Variants in KCNT2 observed in about 807,000 individuals in gnomAD.
KCNT2 encodes potassium sodium-activated channel subfamily T member 2, also known as potassium channel subfamily T member 2.
A neutral mutation model predicts 153.8 loss-of-function variants in KCNT2; 67 were observed. The observed-to-expected ratio is 0.44, with a 90% CI of 0.36 to 0.53. The LOEUF (loss-of-function observed/expected upper bound fraction) is 0.53. Among genes scored for constraint, KCNT2 ranks in the 20% least tolerant of loss-of-function variants. The pLI, the probability that KCNT2 is intolerant of heterozygous loss-of-function variation, is 0.00. For synonymous variants in KCNT2, 500 were observed against 458.8 expected (o/e 1.09, Z -1.15); for missense variants, 975 against 1,354.8 (o/e 0.72, Z 4.40).
At chr1:196,263,954 G>T (rs577684859) in intron 25 of KCNT2, among the ~76,000 whole-genome samples, 1 of 151,930 alleles carries the variant, frequency 6.6e-6, no homozygotes, top group Non-Finnish European at 1.5e-5. Context: ...GTATATGTGT[G>T]TGTGTGTTTA....
At chr1:196,268,600 A>C (rs1657764077) in intron 25 of KCNT2, among the ~76,000 whole-genome samples, 1 of 152,136 alleles carries the variant, frequency 6.6e-6, no homozygotes, top group Non-Finnish European at 1.5e-5. Flanking sequence ...GACTGCTGAC[A>C]GCTTTCAAGA....
At chr1:196,349,823 C>G (rs966198429) in intron 14 of KCNT2, among the ~76,000 whole-genome samples, 2 of 151,862 alleles carry the variant, frequency 1.3e-5, no homozygotes, top group African/African-American at 4.8e-5. Flanking sequence ...CGTCATTTAG[C>G]ATTAGGTATA....
intron 22 of KCNT2, among the ~76,000 whole-genome samples, chr1:196,303,725 A>C (rs966928549): frequency 5.9e-5 from 9 of 152,120 alleles, no homozygotes; most frequent in Admixed American, 5.9e-4. Flanking sequence ...TAAGAATCCC[A>C]AGGCTACGAA....
chr1:196,460,852 C>T (rs1677083635), intron 8 of KCNT2, among the ~76,000 whole-genome samples: 1 of 151,544 alleles, frequency 6.6e-6, no homozygotes, highest in East Asian at 1.9e-4. Context: ...TTTATTTCCT[C>T]CTTTTACATT....
intron 1 of KCNT2, among the ~76,000 whole-genome samples, chr1:196,596,054 GTGTATATATATATATATATATATATATA>G (rs770267668): frequency 0.066 from 9,068 of 138,214 alleles, 496 homozygotes; most frequent in Non-Finnish European, 0.086. Context: ...ATTCCATGAT[GTGTATATATATATATATATATATATATA>G]TATATATATA....
rs1283647887 is a variant in KCNT2, at chr1:196,429,613, A to G, written c.783T>C (p.Ala261=). The G allele has an allele frequency of 6.2e-7, 1 of 1,612,630 alleles. No individual in the cohort carries two copies. Among genetic ancestry groups the G allele is most frequent in the South Asian group, 1.1e-5 (1 of 90,922 alleles). Residue 261 remains alanine (A), a synonymous_variant, in exon 9 of 28, where the codon GCT becomes GCC. Coordinates refer to ENST00000294725, the MANE Select transcript of KCNT2 (RefSeq NM_198503.5). The part of the protein sequence containing the change: ...ETWSSKLFVV[A]MICVALVVLP... ...GAACCACAAGAGCAACACAAATCATAGCAACTACAAAAAGCTTGGAGGACC... is the reference window on the plus strand; with the variant it reads ...GAACCACAAGAGCAACACAAATCATGGCAACTACAAAAAGCTTGGAGGACC...
At chr1:196,292,540 C>T (rs992063931) in intron 22 of KCNT2, among the ~76,000 whole-genome samples, 6 of 152,232 alleles carry the variant, frequency 3.9e-5, no homozygotes, top group Non-Finnish European at 7.4e-5. Context: ...GGCGCAGTGG[C>T]TCACGCCTGT....
chr1:196,585,481 GA>G (rs1662565530), intron 1 of KCNT2, among the ~76,000 whole-genome samples: 1 of 151,934 alleles, frequency 6.6e-6, no homozygotes, highest in South Asian at 2.1e-4. Flanking sequence ...TAATACTAAT[GA>G]ATTCTCTTTG....
intron 5 of KCNT2, among the ~76,000 whole-genome samples, chr1:196,477,484 A>G (rs1678640626): frequency 6.6e-6 from 1 of 151,964 alleles, no homozygotes; most frequent in African/African-American, 2.4e-5. Context: ...GCTAGTCAAG[A>G]GAGTAGGGAG....
chr1:196,229,179 G>A (rs1394643128), intron 27 of KCNT2, among the ~76,000 whole-genome samples: 1 of 151,968 alleles, frequency 6.6e-6, no homozygotes, highest in Non-Finnish European at 1.5e-5. Context: ...TGGAAGGTTT[G>A]TGGCAACCCT....
chr1:196,489,967 C>T (rs369542393), intron 2 of KCNT2, 30 bp from the exon 3 acceptor site: 51 of 1,046,122 alleles, frequency 4.9e-5, no homozygotes, highest in Non-Finnish European at 7.1e-5. Context: ...GTTTGATTTT[C>T]ATCTGAACTT....
chr1:196,263,269 A>T (rs181003509), intron 25 of KCNT2, among the ~76,000 whole-genome samples: 1 of 152,218 alleles, frequency 6.6e-6, no homozygotes, highest in Non-Finnish European at 1.5e-5. Flanking sequence ...TGGTTTTGAA[A>T]ATGTGGCAGA....
At chr1:196,382,231 T>TG (rs1354972793) in intron 13 of KCNT2, among the ~76,000 whole-genome samples, 4 of 151,860 alleles carry the variant, frequency 2.6e-5, no homozygotes, top group Non-Finnish European at 4.4e-5. Flanking sequence ...CCTGAGTAGC[T>TG]GGGACTACAG....
chr1:196,526,013 C>CTGTG (rs1654135921), intron 1 of KCNT2, among the ~76,000 whole-genome samples: 2 of 120,074 alleles, frequency 1.7e-5, no homozygotes, highest in African/African-American at 3.7e-5. Context: ...TGAGAACTGA[C>CTGTG]TCTGTGTGTG....
chr1:196,390,101 A>AT (rs375551304), intron 13 of KCNT2, among the ~76,000 whole-genome samples: 10 of 149,614 alleles, frequency 6.7e-5, no homozygotes, highest in Admixed American at 3.3e-4. Flanking sequence ...CTCCTCTAGA[A>AT]TTTTTTTTTT....
chr1:196,474,675 G>C (rs1678377841), intron 5 of KCNT2, among the ~76,000 whole-genome samples: 1 of 152,184 alleles, frequency 6.6e-6, no homozygotes. Flanking sequence ...AATTGTGCCA[G>C]AGTTTGTTTT....
intron 22 of KCNT2, among the ~76,000 whole-genome samples, chr1:196,292,341 AT>A (rs928735291): frequency 6.6e-6 from 1 of 152,228 alleles, no homozygotes; most frequent in African/African-American, 2.4e-5. Flanking sequence ...TACGCCATGT[AT>A]AAAAACTCCA....
intron 14 of KCNT2, among the ~76,000 whole-genome samples, chr1:196,350,852 C>T (rs1666616718): frequency 6.6e-6 from 1 of 152,080 alleles, no homozygotes; most frequent in African/African-American, 2.4e-5. Flanking sequence ...ACGTTTAAGT[C>T]TTTAATCCAT....
intron 1 of KCNT2, among the ~76,000 whole-genome samples, chr1:196,574,280 T>G (rs936866940): frequency 2.0e-5 from 3 of 151,706 alleles, no homozygotes; most frequent in Non-Finnish European, 4.4e-5. Flanking sequence ...AACTTAAGAG[T>G]CTATCTTCAT....
Sources: allele counts gnomAD v4.1 joint callset (sites outside exome capture counted in the v4.1 genomes callset), GRCh38; gene constraint gnomAD v4.1.1; transcripts MANE v1.5; gene names NCBI Gene and HGNC (gene_info 2026-07-23, HGNC 2026-07-21).